The following SLC25A13 variants were observed in gnomAD, a reference collection of about 807,000 sequenced individuals.
The protein encoded by SLC25A13 is electrogenic aspartate/glutamate antiporter SLC25A13, mitochondrial.
SLC25A13 carries 70 observed loss-of-function variants against 85.5 expected under a neutral mutation model. That is an observed-to-expected ratio of 0.82 (90% CI 0.68 to 1.00). The LOEUF (loss-of-function observed/expected upper bound fraction) is 1.00, where lower values mean the gene tolerates loss of function less well. SLC25A13 is among the 50% of genes least tolerant of loss of function. The pLI is 0.00. For synonymous variants in SLC25A13, 259 were observed against 288.7 expected (o/e 0.90, Z 1.04); for missense variants, 765 against 819.8 (o/e 0.93, Z 0.82).
intron 3 of SLC25A13, among the ~76,000 whole-genome samples, chr7:96,259,826 T>C (rs931269773): frequency 6.6e-6 from 1 of 152,054 alleles, no homozygotes; most frequent in African/African-American, 2.4e-5. Flanking sequence ...AATGACAGAC[T>C]GGATAAAGAA....
At chr7:96,264,979 A>T (rs909824787) in intron 3 of SLC25A13, among the ~76,000 whole-genome samples, 3 of 152,230 alleles carry the variant, frequency 2.0e-5, no homozygotes, top group Non-Finnish European at 4.4e-5. Context: ...GTTTTGGTTG[A>T]AGAATATGAA....
At chr7:96,321,704 G>T (rs528997486) in intron 1 of SLC25A13, among the ~76,000 whole-genome samples, 1 of 152,314 alleles carries the variant, frequency 6.6e-6, no homozygotes, top group African/African-American at 2.4e-5. Context: ...CGGCCAAGTG[G>T]GAGTGTCCGG....
intron 14 of SLC25A13, among the ~76,000 whole-genome samples, chr7:96,140,248 G>A (rs146394240): frequency 0.015 from 2,226 of 151,726 alleles, 56 homozygotes; most frequent in African/African-American, 0.051. Flanking sequence ...GTGAGCCACC[G>A]CGCCCGGCCT....
chr7:96,226,309 C>T (rs1342163976), intron 4 of SLC25A13, among the ~76,000 whole-genome samples: 9 of 152,122 alleles, frequency 5.9e-5, no homozygotes, highest in Admixed American at 5.9e-4. Context: ...CTCGTAGTGT[C>T]CTCAAGGTTC....
intron 14 of SLC25A13, among the ~76,000 whole-genome samples, chr7:96,132,592 A>G (rs1360636049): frequency 6.6e-6 from 1 of 152,222 alleles, no homozygotes; most frequent in East Asian, 1.9e-4. Flanking sequence ...AATGCCATGC[A>G]GAGGCCCCGC....
At chr7:96,215,667 T>G (rs1264132455) in intron 4 of SLC25A13, among the ~76,000 whole-genome samples, 1 of 151,992 alleles carries the variant, frequency 6.6e-6, no homozygotes, top group African/African-American at 2.4e-5. Flanking sequence ...CTACAAGACT[T>G]AAAACCGTGA....
intron 2 of SLC25A13, among the ~76,000 whole-genome samples, chr7:96,291,839 T>C (rs1051421972): frequency 8.5e-5 from 13 of 152,218 alleles, no homozygotes; most frequent in Non-Finnish European, 1.6e-4. Flanking sequence ...AGCCGAATTC[T>C]ACCAGAGGTA....
At chr7:96,261,496 T>C (rs1401522124) in intron 3 of SLC25A13, among the ~76,000 whole-genome samples, 5 of 152,174 alleles carry the variant, frequency 3.3e-5, no homozygotes, top group Admixed American at 3.3e-4. Flanking sequence ...AGTTCTTTCA[T>C]CAGTTATCTT....
intron 5 of SLC25A13, among the ~76,000 whole-genome samples, chr7:96,195,322 C>T (rs891052542): frequency 6.6e-6 from 1 of 152,206 alleles, no homozygotes; most frequent in Non-Finnish European, 1.5e-5. Flanking sequence ...TTCAAGCTTC[C>T]TTTCTCCCAG....
intron 3 of SLC25A13, among the ~76,000 whole-genome samples, chr7:96,242,794 T>C (rs1392288981): frequency 1.3e-5 from 2 of 152,236 alleles, no homozygotes; most frequent in East Asian, 1.9e-4. Flanking sequence ...ACAGAATCAA[T>C]GTATTTCTTA....
intron 5 of SLC25A13, among the ~76,000 whole-genome samples, chr7:96,194,442 C>CAAAGAAAAAA (rs1794980803): frequency 7.2e-5 from 2 of 27,694 alleles, no homozygotes; most frequent in South Asian, 8.9e-3. Context: ...AACCTTGTCT[C>CAAAGAAAAAA]AAAAAAAAAA....
intron 2 of SLC25A13, among the ~76,000 whole-genome samples, chr7:96,293,316 C>T (rs1799201757): frequency 1.3e-5 from 2 of 152,208 alleles, no homozygotes; most frequent in East Asian, 3.9e-4. Context: ...GACCTAAAAC[C>T]ATAAAAACCC....
intron 2 of SLC25A13, among the ~76,000 whole-genome samples, chr7:96,288,248 T>A (rs902425062): frequency 2.0e-5 from 3 of 152,188 alleles, no homozygotes; most frequent in African/African-American, 7.2e-5. Context: ...CTGGCCAGCA[T>A]GGGGAAACCC....
intron 4 of SLC25A13, among the ~76,000 whole-genome samples, chr7:96,215,967 C>T (rs1374675867): frequency 6.6e-6 from 1 of 151,800 alleles, no homozygotes; most frequent in African/African-American, 2.4e-5. Flanking sequence ...CCAGCCTGGG[C>T]AACATGGCAA....
intron 4 of SLC25A13, among the ~76,000 whole-genome samples, chr7:96,218,396 A>G (rs1012849283): frequency 5.3e-5 from 8 of 152,184 alleles, no homozygotes; most frequent in Non-Finnish European, 1.0e-4. Context: ...GACACTAGAG[A>G]TATTTAATTG....
At chr7:96,201,450 TG>T (rs1795251727) in intron 5 of SLC25A13, among the ~76,000 whole-genome samples, 1 of 149,506 alleles carries the variant, frequency 6.7e-6, no homozygotes, top group Non-Finnish European at 1.5e-5. Context: ...AGGTGGAGGT[TG>T]TAGTGAGCCA....
intron 5 of SLC25A13, among the ~76,000 whole-genome samples, chr7:96,206,172 G>A (rs1433923570): frequency 6.6e-6 from 1 of 152,098 alleles, no homozygotes; most frequent in Non-Finnish European, 1.5e-5. Context: ...CTCATCATGT[G>A]ACAGGTAGCA....
intron 5 of SLC25A13, among the ~76,000 whole-genome samples, chr7:96,204,662 G>C (rs1795392491): frequency 6.6e-6 from 1 of 152,166 alleles, no homozygotes; most frequent in South Asian, 2.1e-4. Context: ...CAAACTCATA[G>C]GGCAAACATT....
chr7:96,189,253 T>A (rs770090713), intron 9 of SLC25A13, 41 bp downstream of exon 9: 1 of 1,565,930 alleles, frequency 6.4e-7, no homozygotes, highest in Middle Eastern at 1.7e-4. Context: ...GGTATCCTGC[T>A]AAGGAAACCC....
Sources: allele counts gnomAD v4.1 joint callset (sites outside exome capture counted in the v4.1 genomes callset), GRCh38; gene constraint gnomAD v4.1.1; transcripts MANE v1.5; gene names NCBI Gene and HGNC (gene_info 2026-07-23, HGNC 2026-07-21).